The following PRKCSH variants were observed in gnomAD, a reference collection of about 807,000 sequenced individuals.
The protein encoded by PRKCSH is PRKCSH beta subunit of glucosidase II, also known as glucosidase 2 subunit beta.
In PRKCSH, 42 loss-of-function variants were observed where a neutral mutation model predicts 79.7. The ratio of observed to expected loss-of-function variants is 0.53; its 90% CI spans 0.41 to 0.68. PRKCSH has a LOEUF of 0.68. PRKCSH is among the 30% of genes least tolerant of loss of function. The pLI is 0.00. For missense variants in PRKCSH, 686 were observed against 709.0 expected (o/e 0.97, Z 0.37); for synonymous variants, 325 against 288.2 (o/e 1.13, Z -1.29).
Position 11,442,374 on chromosome 19 carries a change from C to T in PRKCSH, c.469-12C>T. On this transcript the variant is annotated splice_polypyrimidine_tract_variant and intron_variant, in intron 6 of 17. Transcript: ENST00000677123. ...CAGAGGAGAGCTGGTCTCTTGCCTT[C>T]TGCCCACCCAGAAAAAGCTCATTGA... 6.3e-7 allele frequency: 1 copy of T among 1,585,028 alleles called. No homozygotes were observed. The highest frequency in any genetic ancestry group is 1.1e-5 in the South Asian group (1 of 87,308).
At chr19:11,444,564 G>A (rs772983393) in intron 7 of PRKCSH, among the ~76,000 whole-genome samples, 36 of 152,312 alleles carry the variant, frequency 2.4e-4, no homozygotes, top group African/African-American at 3.1e-4. Flanking sequence ...TTTTTATTCT[G>A]TTTGTAGAGG....
rs867672439 is a variant in PRKCSH, at chr19:11,435,700, G to A, written c.-84G>A. ...GCGGTGGATACTGACCTTTGCTCCG[G>A]CCTCGTGTAGGTGTGAACGAGCGGG... is the stretch of plus-strand genomic sequence containing the variant. On this transcript the variant is annotated 5_prime_UTR_variant, in exon 1 of 18. Transcript: ENST00000677123. The A allele has an allele frequency of 3.3e-5, 44 of 1,315,960 alleles. No homozygotes were observed. In the Middle Eastern group the frequency reaches 6.1e-4, roughly 18 times the overall value. The allele number at this position is 1,315,960 out of a possible 1,614,324, so 81.5% of individuals were successfully genotyped here. A position where few individuals can be genotyped will look rare whatever the true frequency, so the allele number is the denominator to read the frequency against.
chr19:11,437,852 C>T (rs1969850949), intron 3 of PRKCSH, 24 bp from the exon 4 acceptor site: 1 of 1,608,996 alleles, frequency 6.2e-7, no homozygotes. Flanking sequence ...ACTCCGAAAA[C>T]CTTCCCTCCC....
intron 7 of PRKCSH, among the ~76,000 whole-genome samples, chr19:11,443,330 G>A (rs1411199495): frequency 1.3e-5 from 2 of 150,986 alleles, no homozygotes; most frequent in African/African-American, 4.9e-5. Context: ...GGCAGATCAC[G>A]AGGTCAGGAG....
intron 3 of PRKCSH, among the ~76,000 whole-genome samples, chr19:11,437,051 T>A (rs112318840): frequency 1.0e-3 from 154 of 151,434 alleles, no homozygotes; most frequent in African/African-American, 3.6e-3. Flanking sequence ...TTGTTTTTGT[T>A]TTGAGACGGA....
Position 11,446,158 on chromosome 19 carries a change from A to G in PRKCSH, c.684-114A>G, listed in dbSNP as rs555909101. The G allele has an allele frequency of 1.9e-4, 216 of 1,159,454 alleles. 4 individuals are homozygous for G. The South Asian group carries it at 2.6e-3, about 14-fold the overall frequency. The allele number at this position is 1,159,454 out of a possible 1,614,324, so 71.8% of individuals were successfully genotyped here. Reference sequence around the variant, plus strand: ...GAGGCCCCTACACCTTGAGGTCCTGAAGCAAGTTCCAGGGTGGGGCCCTGC... The same window carrying G: ...GAGGCCCCTACACCTTGAGGTCCTGGAGCAAGTTCCAGGGTGGGGCCCTGC... On this transcript the variant is annotated intron_variant, in intron 8 of 17. Transcript: ENST00000677123.
At position 11,447,261 on chromosome 19, in the gene PRKCSH, G is replaced by A; in HGVS notation, c.849+101G>A. The A allele has an allele frequency of 5.5e-6, 8 of 1,443,748 alleles. No individual in the cohort carries two copies. The Middle Eastern group carries it at 5.7e-4, about 103-fold the overall frequency. 89.4% of individuals were successfully genotyped at this position (1,443,748 alleles called of 1,614,324 possible). On this transcript the variant is annotated intron_variant, in intron 10 of 17. Transcript: ENST00000677123. The surrounding 1 kb of genome is among the most constrained non-coding windows in gnomAD (Gnocchi z 5.6). Reference sequence around the variant, plus strand: ...CTGGTTCTGGCACCTGGCCACCCTGGCCAGCTGGGTGGCCCCAGCACCCCC... The same window carrying A: ...CTGGTTCTGGCACCTGGCCACCCTGACCAGCTGGGTGGCCCCAGCACCCCC...
In PRKCSH at chr19:11,449,685, G is replaced by T; in HGVS notation, c.*16+257G>T. 1 of 513,010 alleles carries T rather than the reference G, an allele frequency of 1.9e-6. No homozygotes were observed. The highest frequency in any genetic ancestry group is 3.5e-6 in the Non-Finnish European group (1 of 283,612). The allele number at this position is 513,010 out of a possible 1,614,324, so 31.8% of individuals were successfully genotyped here. A position where few individuals can be genotyped will look rare whatever the true frequency, so the allele number is the denominator to read the frequency against. The stretch of plus-strand genomic sequence containing the variant: ...AGCCTCCCAAGTAGCTGGGATTACA[G>T]GTGTGCACCACCATGCCTGGCTAAT... On this transcript the variant is annotated intron_variant, in intron 17 of 17. Coordinates refer to ENST00000677123, the MANE Select transcript of PRKCSH (RefSeq NM_001289104.2). This position sits in a 1 kb window ranked among gnomAD's most constrained non-coding sequence, Gnocchi z 6.4.
intron 3 of PRKCSH, 48 bp from the exon 4 acceptor site, chr19:11,437,828 C>A: frequency 6.7e-7 from 1 of 1,485,156 alleles, no homozygotes; most frequent in Non-Finnish European, 9.4e-7. Flanking sequence ...TGGGACATGT[C>A]TGTCCCTGAG....
Position 11,436,445 on chromosome 19 carries a change from A to T in PRKCSH, c.136A>T (p.Ile46Phe). 1.2e-6 allele frequency: 2 copies of T among 1,614,162 alleles called. No homozygotes were observed. The highest frequency in any genetic ancestry group is 1.7e-6 in the Non-Finnish European group (2 of 1,180,028). Residue 46 changes from isoleucine to phenylalanine, a missense_variant, in exon 3 of 18, where the codon ATC (isoleucine) becomes TTC (phenylalanine). By Grantham distance (21) the Ile-to-Phe change is conservative (BLOSUM62 0). Around this residue, in one of 2 missense-constraint regions of PRKCSH, gnomAD observed 549 missense variants for 520.2 expected, o/e 1.06. Coordinates refer to ENST00000677123, the MANE Select transcript of PRKCSH (RefSeq NM_001289104.2). Reference sequence around the variant, plus strand: ...CACCTGCCTGGACGGTTCGGCCACCATCCCATTTGATCAGGTCAACGATGA... The same window carrying T: ...CACCTGCCTGGACGGTTCGGCCACCTTCCCATTTGATCAGGTCAACGATGA... ...PFTCLDGSAT[I>F]PFDQVNDDYC...
intron 7 of PRKCSH, among the ~76,000 whole-genome samples, chr19:11,443,509 A>G (rs557202537): frequency 3.8e-4 from 57 of 150,554 alleles, no homozygotes; most frequent in Non-Finnish European, 7.4e-5. Flanking sequence ...TTGCGCCCCT[A>G]TATTCCAGCC....
At position 11,448,735 on chromosome 19, in the gene PRKCSH, G is replaced by A. The variant is rs1371741176; in HGVS notation, c.1286+106G>A. The A allele has an allele frequency of 7.4e-7, 1 of 1,354,470 alleles. No homozygotes were observed. Among genetic ancestry groups the A allele is most frequent in the Non-Finnish European group, 1.1e-6 (1 of 949,542 alleles). 83.9% of individuals were successfully genotyped at this position (1,354,470 alleles called of 1,614,324 possible). On this transcript the variant is annotated intron_variant, in intron 14 of 17. Transcript: ENST00000677123. This position sits in a 1 kb window ranked among gnomAD's most constrained non-coding sequence, Gnocchi z 4.4. ...TGGTTGGGGAACCATCTGCGGGTGG[G>A]GCCCGAGAGTGCTGCCTTCCATATT... is the stretch of plus-strand genomic sequence containing the variant.
At position 11,447,210 on chromosome 19, in the gene PRKCSH, C is replaced by A. The variant is rs747602560; in HGVS notation, c.849+50C>A. The A allele has an allele frequency of 6.3e-7, 1 of 1,582,750 alleles. No homozygotes were observed. The highest frequency in any genetic ancestry group is 8.7e-7 in the Non-Finnish European group (1 of 1,155,626). On this transcript the variant is annotated intron_variant, in intron 10 of 17. Coordinates refer to ENST00000677123, the MANE Select transcript of PRKCSH (RefSeq NM_001289104.2). The surrounding 1 kb of genome is among the most constrained non-coding windows in gnomAD (Gnocchi z 5.6). ...CTTGGTCCTCCCACCACACTGCCCC[C>A]ACCCCGCCTCACAAAGGAGCTGCCT...
Position 11,441,342 on chromosome 19 carries a change from A to ACGG in PRKCSH, c.454_456dup (p.Arg152dup). On this transcript the variant is annotated inframe_insertion, in exon 6 of 18. Transcript: ENST00000677123. Reference sequence around the variant, plus strand: ...TCCTTATTGAGGACTGGAAGAAGGCACGGGAGGAGAAGCAGGTAAGGAACC... The same window carrying ACGG: ...TCCTTATTGAGGACTGGAAGAAGGCACGGCGGGAGGAGAAGCAGGTAAGGAACC... 1 of 1,613,826 alleles carries ACGG rather than the reference A, an allele frequency of 6.2e-7. No individual in the cohort carries two copies. Among genetic ancestry groups the ACGG allele is most frequent in the Non-Finnish European group, 8.5e-7 (1 of 1,179,806 alleles).
rs1970445918 is a variant in PRKCSH at position 11,448,765 on chromosome 19, G to A, written c.1286+136G>A. 8.4e-6 allele frequency: 11 copies of A among 1,314,064 alleles called. No homozygotes were observed. Among genetic ancestry groups the A allele is most frequent in the Non-Finnish European group, 1.2e-5 (11 of 914,422 alleles). 81.4% of individuals were successfully genotyped at this position (1,314,064 alleles called of 1,614,324 possible). A position where few individuals can be genotyped will look rare whatever the true frequency, so the allele number is the denominator to read the frequency against. On this transcript the variant is annotated intron_variant, in intron 14 of 17. Coordinates refer to ENST00000677123, the MANE Select transcript of PRKCSH (RefSeq NM_001289104.2). The surrounding 1 kb of genome is among the most constrained non-coding windows in gnomAD (Gnocchi z 4.4). ...GAGAGTGCTGCCTTCCATATTGAGG[G>A]GGAGCAGAAGCCAGGGGCCAGGTTT...
In PRKCSH at chr19:11,445,341, T is replaced by C. The variant is rs1323337116; in HGVS notation, c.599-48T>C. ...CGACCCTGTGGGGTGCGGGGGCTGA[T>C]GGGAGCCGGTGGGTGGGCAGGGGGT... On this transcript the variant is annotated intron_variant, in intron 7 of 17. Coordinates refer to ENST00000677123, the MANE Select transcript of PRKCSH (RefSeq NM_001289104.2). 12 of 1,592,740 alleles carry C rather than the reference T, an allele frequency of 7.5e-6. No homozygotes were observed. The South Asian group carries it at 1.2e-4, about 16-fold the overall frequency.
intron 7 of PRKCSH, among the ~76,000 whole-genome samples, chr19:11,444,944 C>T (rs757342959): frequency 1.3e-5 from 2 of 152,140 alleles, no homozygotes; most frequent in Non-Finnish European, 2.9e-5. Flanking sequence ...CACCTCTGAC[C>T]GTCTGCGCAC....
At position 11,436,204 on chromosome 19, in the gene PRKCSH, C is replaced by T. The variant is rs752500669; in HGVS notation, c.79+8C>T. ...GGGGCGTCTCCCTCACCAGTGAGTC[C>T]TCCTGTTCACCCTCCCGCCAGGCTG... On this transcript the variant is annotated splice_region_variant and intron_variant, in intron 2 of 17. Transcript: ENST00000677123. 2 of 1,474,720 alleles carry T rather than the reference C, an allele frequency of 1.4e-6. No homozygotes were observed. Among genetic ancestry groups the T allele is most frequent in the Admixed American group, 2.0e-5 (1 of 50,284 alleles). 91.4% of individuals were successfully genotyped at this position (1,474,720 alleles called of 1,614,324 possible). A position where few individuals can be genotyped will look rare whatever the true frequency, so the allele number is the denominator to read the frequency against.
chr19:11,441,558 C>T (rs531441090), intron 6 of PRKCSH, among the ~76,000 whole-genome samples: 46 of 152,276 alleles, frequency 3.0e-4, no homozygotes, highest in South Asian at 8.3e-4. Flanking sequence ...AGGCTGTCAG[C>T]TTAGGTGTTT....
Sources: allele counts gnomAD v4.1 joint callset (sites outside exome capture counted in the v4.1 genomes callset), GRCh38; gene constraint gnomAD v4.1.1; regional missense constraint gnomAD v4.1.1; non-coding constraint Gnocchi (gnomAD v3.1); transcripts MANE v1.5; gene names NCBI Gene and HGNC (gene_info 2026-07-23, HGNC 2026-07-21).